MDN1: variants seen among roughly 807,000 people sequenced by gnomAD.
The protein encoded by MDN1 is midasin AAA ATPase 1.
A neutral mutation model predicts 669.2 loss-of-function variants in MDN1; 266 were observed. That is an observed-to-expected ratio of 0.40 (90% CI 0.36 to 0.44). MDN1 has a LOEUF of 0.44. MDN1 is among the 20% of genes least tolerant of loss of function. The pLI is 1.00. For missense variants in MDN1, 5,940 were observed against 6,754.0 expected (o/e 0.88, Z 4.22); for synonymous variants, 2,385 against 2,457.1 (o/e 0.97, Z 0.87).
chr6:89,758,465 AC>A, intron 18 of MDN1, 114 bp from the exon 19 acceptor site: 1 of 837,064 alleles, frequency 1.2e-6, no homozygotes, highest in Non-Finnish European at 1.9e-6. Flanking sequence ...CTTTTCTGAA[AC>A]CCCACTGAAA....
At chr6:89,794,313 T>TAC (rs1819453462) in intron 3 of MDN1, 106 bp from the exon 4 acceptor site, 1 of 700,396 alleles carries the variant, frequency 1.4e-6, no homozygotes. Flanking sequence ...TCTCAATTAT[T>TAC]ACAACACATT....
intron 49 of MDN1, 95 bp downstream of exon 49, chr6:89,711,941 C>G: frequency 8.9e-7 from 1 of 1,122,136 alleles, no homozygotes; most frequent in Admixed American, 2.4e-5. Context: ...GTAATTTTAA[C>G]AGTGTAGTCA....
intron 73 of MDN1, among the ~76,000 whole-genome samples, chr6:89,682,488 C>A (rs769969295): frequency 2.0e-5 from 3 of 151,988 alleles, no homozygotes; most frequent in Non-Finnish European, 4.4e-5. Context: ...GTGGGCAGAT[C>A]ATGGGGTCAG....
At chr6:89,804,914 T>C (rs1767913325) in intron 1 of MDN1, among the ~76,000 whole-genome samples, 1 of 151,250 alleles carries the variant, frequency 6.6e-6, no homozygotes, top group Admixed American at 6.6e-5. Context: ...CAGGCGCCTG[T>C]AGTCCCAGCT....
intron 69 of MDN1, among the ~76,000 whole-genome samples, 196 bp downstream of exon 69, chr6:89,686,706 A>G (rs945621018): frequency 2.0e-5 from 3 of 152,188 alleles, no homozygotes; most frequent in African/African-American, 7.2e-5. Context: ...CACTTTTGTT[A>G]TTATTCTCTC....
chr6:89,799,073 C>G (rs936126607), intron 2 of MDN1, among the ~76,000 whole-genome samples: 1 of 152,174 alleles, frequency 6.6e-6, no homozygotes. Flanking sequence ...TAAGGCATTT[C>G]TAGATACAGT....
intron 13 of MDN1, 116 bp from the exon 14 acceptor site, chr6:89,772,837 CT>C (rs1818172654): frequency 8.6e-7 from 1 of 1,164,114 alleles, no homozygotes; most frequent in African/African-American, 1.5e-5. Context: ...CTCACAGTAA[CT>C]GTCTTCAAGC....
chr6:89,715,785 T>A lies in MDN1; in HGVS notation c.6744-16A>T. 6.5e-7 allele frequency: 1 copy of A among 1,527,526 alleles called. No homozygotes were observed. Among genetic ancestry groups the A allele is most frequent in the Non-Finnish European group, 9.1e-7 (1 of 1,101,328 alleles). 94.6% of individuals were successfully genotyped at this position (1,527,526 alleles called of 1,614,324 possible). The stretch of plus-strand genomic sequence containing the variant: ...CACTGATGGGCTGCAGAGACAGAAT[T>A]CAGATGGTGGATAGGCTGACATGCT... On this transcript the variant is annotated splice_polypyrimidine_tract_variant and intron_variant, in intron 44 of 101. Coordinates refer to ENST00000369393, the MANE Select transcript of MDN1 (RefSeq NM_014611.3).
At chr6:89,693,676 A>G (rs1812529662) in intron 62 of MDN1, among the ~76,000 whole-genome samples, 1 of 152,172 alleles carries the variant, frequency 6.6e-6, no homozygotes, top group South Asian at 2.1e-4. Flanking sequence ...AAATATTCCA[A>G]AATCTGAAGA....
At chr6:89,776,975 C>G (rs1196449033) in intron 11 of MDN1, among the ~76,000 whole-genome samples, 1 of 152,090 alleles carries the variant, frequency 6.6e-6, no homozygotes, top group Non-Finnish European at 1.5e-5. Context: ...TAGCTTCGGG[C>G]AAAGAAGAGC....
chr6:89,671,352 T>G (rs1810743298), intron 82 of MDN1, among the ~76,000 whole-genome samples: 1 of 152,208 alleles, frequency 6.6e-6, no homozygotes, highest in Non-Finnish European at 1.5e-5. Flanking sequence ...AATAGAATGT[T>G]GGCCAGGCAC....
chr6:89,670,163 TATATATA>T (rs1364958233), intron 83 of MDN1, among the ~76,000 whole-genome samples: 2,473 of 29,948 alleles, frequency 0.083, 105 homozygotes, highest in East Asian at 0.18. Flanking sequence ...TATATATATA[TATATATA>T]TTTTTTTTTT....
chr6:89,808,653 C>T (rs897444249), intron 1 of MDN1, among the ~76,000 whole-genome samples: 35 of 152,086 alleles, frequency 2.3e-4, no homozygotes, highest in Admixed American at 2.0e-3. Context: ...TTCCAACTAC[C>T]GCCCCAACTC....
At chr6:89,646,501 A>T in intron 100 of MDN1, 39 bp downstream of exon 100, 7 of 1,588,504 alleles carry the variant, frequency 4.4e-6, no homozygotes, top group Non-Finnish European at 6.0e-6. Context: ...AGAGTACAAG[A>T]AAGCATTTTG....
At chr6:89,690,961 C>T in intron 63 of MDN1, 127 bp from the exon 64 acceptor site, 1 of 1,127,362 alleles carries the variant, frequency 8.9e-7, no homozygotes, top group Non-Finnish European at 1.2e-6. Flanking sequence ...AAGCCAACAT[C>T]CAAGAAACTA....
At chr6:89,773,894 G>T (rs1232603724) in intron 13 of MDN1, among the ~76,000 whole-genome samples, 1 of 152,076 alleles carries the variant, frequency 6.6e-6, no homozygotes, top group Non-Finnish European at 1.5e-5. Context: ...GAACCAGGCA[G>T]CTGGAGGTTT....
chr6:89,769,272 T>G (rs889143264), intron 15 of MDN1, among the ~76,000 whole-genome samples: 2 of 152,236 alleles, frequency 1.3e-5, no homozygotes, highest in African/African-American at 4.8e-5. Flanking sequence ...ATTCTCATCT[T>G]CTACAATGAT....
At chr6:89,696,229 T>C in intron 60 of MDN1, 131 bp downstream of exon 60, 1 of 1,121,574 alleles carries the variant, frequency 8.9e-7, no homozygotes, top group Non-Finnish European at 1.3e-6. Flanking sequence ...ACATGCTGAT[T>C]CAGGCAGAAA....
chr6:89,807,088 T>A (rs909931161), intron 1 of MDN1, among the ~76,000 whole-genome samples: 2 of 151,590 alleles, frequency 1.3e-5, no homozygotes, highest in African/African-American at 4.8e-5. Context: ...AACATTGTTT[T>A]GTTTTTTATT....
Sources: gnomAD v4.1 joint callset for allele counts (sites outside exome capture counted in the v4.1 genomes callset) on GRCh38, gnomAD v4.1.1 for gene constraint, MANE v1.5 for transcripts, NCBI Gene and HGNC (gene_info 2026-07-23, HGNC 2026-07-21) for gene names.